MKLN1: variants seen among roughly 807,000 people sequenced by gnomAD.
The protein encoded by MKLN1 is muskelin.
In MKLN1, 18 loss-of-function variants were observed where a neutral mutation model predicts 99.0. That is an observed-to-expected ratio of 0.18 (90% CI 0.13 to 0.27). The LOEUF (loss-of-function observed/expected upper bound fraction) is 0.27, where lower values mean the gene tolerates loss of function less well. Ranked by LOEUF, MKLN1 falls within the 10% of genes least tolerant of loss-of-function variation. The probability of loss-of-function intolerance (pLI) is 1.00; values close to 1 mark genes in which losing one functional copy is unlikely to be tolerated. For missense variants in MKLN1, 621 were observed against 875.9 expected (o/e 0.71, Z 3.67); for synonymous variants, 288 against 293.2 (o/e 0.98, Z 0.18).
chr7:131,268,922 C>T (rs1200926809), intron 3 of MKLN1, among the ~76,000 whole-genome samples: 1 of 152,178 alleles, frequency 6.6e-6, no homozygotes. Context: ...AAAGTCCATC[C>T]CTCAAGCTCA....
intron 1 of MKLN1, among the ~76,000 whole-genome samples, chr7:131,138,860 A>G (rs1275275121): frequency 2.6e-5 from 4 of 152,202 alleles, no homozygotes; most frequent in Non-Finnish European, 5.9e-5. Context: ...CAGTTCAGTC[A>G]TTGTATGCGT....
chr7:131,462,387 T>C (rs1260962779), intron 12 of MKLN1, among the ~76,000 whole-genome samples: 3 of 152,226 alleles, frequency 2.0e-5, no homozygotes, highest in African/African-American at 7.2e-5. Flanking sequence ...ATATTTTAAA[T>C]GACTCTGACC....
chr7:131,402,584 C>T (rs765552583), intron 6 of MKLN1, among the ~76,000 whole-genome samples: 8 of 152,158 alleles, frequency 5.3e-5, no homozygotes, highest in Non-Finnish European at 8.8e-5. Flanking sequence ...CTGTCTGTGG[C>T]AACTATAGCC....
At chr7:131,454,545 G>A (rs1346165093) in intron 12 of MKLN1, among the ~76,000 whole-genome samples, 1 of 152,192 alleles carries the variant, frequency 6.6e-6, no homozygotes, top group Non-Finnish European at 1.5e-5. Flanking sequence ...AGACACTGTT[G>A]TTTGCTTTCC....
intron 10 of MKLN1, among the ~76,000 whole-genome samples, chr7:131,439,371 C>G (rs1403681971): frequency 2.0e-5 from 3 of 151,934 alleles, no homozygotes; most frequent in Admixed American, 2.0e-4. Context: ...TTTCTCTTGA[C>G]TTTTATAAAA....
intron 1 of MKLN1, among the ~76,000 whole-genome samples, chr7:131,330,244 A>G (rs1799031641): frequency 6.6e-6 from 1 of 152,192 alleles, no homozygotes; most frequent in African/African-American, 2.4e-5. Context: ...TGGCAGTGGA[A>G]ACCATATTAA....
intron 2 of MKLN1, among the ~76,000 whole-genome samples, chr7:131,175,110 T>A (rs1195640069): frequency 6.6e-6 from 1 of 151,238 alleles, no homozygotes; most frequent in East Asian, 1.9e-4. Context: ...GGTGGATGGA[T>A]GGATGGGTGG....
chr7:131,145,635 G>A (rs1271168329), intron 2 of MKLN1, among the ~76,000 whole-genome samples: 1 of 152,242 alleles, frequency 6.6e-6, no homozygotes, highest in Non-Finnish European at 1.5e-5. Context: ...TTATGTAGGT[G>A]TGTAAGGGGG....
At chr7:131,162,215 G>T (rs1312663414) in intron 2 of MKLN1, among the ~76,000 whole-genome samples, 2 of 151,766 alleles carry the variant, frequency 1.3e-5, no homozygotes, top group African/African-American at 4.8e-5. Context: ...ACCAAGCCCG[G>T]CTAATTTTTG....
rs1019410356 is a variant in MKLN1, at chr7:131,488,541, A to G, written c.*813A>G. The G allele has an allele frequency of 2.6e-5, 4 of 152,592 alleles. No individual in the cohort carries two copies. Among genetic ancestry groups the G allele is most frequent in the Non-Finnish European group, 5.9e-5 (4 of 68,020 alleles). The allele number at this position is 152,592 out of a possible 1,614,324, so 9.5% of individuals were successfully genotyped here. On this transcript the variant is annotated 3_prime_UTR_variant, in exon 18 of 18. Coordinates refer to ENST00000352689, the MANE Select transcript of MKLN1 (RefSeq NM_013255.5). ...TTTAAGAGCCATTCTAAAAGTGACC[A>G]GCAGGAGGGATCTAGTAGTGAATAA...
intron 3 of MKLN1, among the ~76,000 whole-genome samples, chr7:131,268,314 A>C (rs931810637): frequency 6.6e-6 from 1 of 152,154 alleles, no homozygotes; most frequent in African/African-American, 2.4e-5. Flanking sequence ...AGACTCCAGA[A>C]ATTTACTCTA....
chr7:131,185,975 G>T (rs918359809), intron 2 of MKLN1, among the ~76,000 whole-genome samples: 1 of 150,030 alleles, frequency 6.7e-6, no homozygotes, highest in Non-Finnish European at 1.5e-5. Context: ...GGCAGATCAT[G>T]AGGTCAAGAG....
rs190063504 is a variant in MKLN1, at chr7:131,163,971, C to G, written c.-297+21030C>G. On this transcript the variant is annotated intron_variant, in intron 2 of 7. Transcript: ENST00000416992. Reference sequence around the variant, plus strand: ...GGGCTATTTTTCCAAGTTGGGAAGGCAGGGGGAGGATTGGAATAATTGCAA... The same window carrying G: ...GGGCTATTTTTCCAAGTTGGGAAGGGAGGGGGAGGATTGGAATAATTGCAA... Among the ~76,000 whole-genome samples the G allele has an allele frequency of 1.4e-3, 216 of 152,208 alleles. 2 individuals carry two copies. Among genetic ancestry groups the G allele is most frequent in the African/African-American group, 4.9e-3 (202 of 41,522 alleles).
At chr7:131,369,106 G>A (rs972294702) in intron 1 of MKLN1, among the ~76,000 whole-genome samples, 7 of 151,934 alleles carry the variant, frequency 4.6e-5, no homozygotes, top group Non-Finnish European at 1.0e-4. Flanking sequence ...ATCCCTTTAA[G>A]TGTTTTATAA....
rs780391977 is a variant in MKLN1 at position 131,142,887 on chromosome 7, A to AG, written c.-351_-350insG. The AG allele has an allele frequency of 1.8e-5, 24 of 1,303,322 alleles. No homozygotes were observed. In the South Asian group the frequency reaches 3.0e-4, roughly 16 times the overall value. The allele number at this position is 1,303,322 out of a possible 1,614,324, so 80.7% of individuals were successfully genotyped here. The stretch of plus-strand genomic sequence containing the variant: ...AAACATTCCATCCTCCTGACTCCAT[A>AG]AACTATTGGATTCATAACCTGCTCC... On this transcript the variant is annotated 5_prime_UTR_variant, in exon 2 of 8. Coordinates refer to the MKLN1 transcript ENST00000416992.
intron 2 of MKLN1, among the ~76,000 whole-genome samples, chr7:131,201,341 T>C (rs1796725424): frequency 6.6e-6 from 1 of 152,162 alleles, no homozygotes; most frequent in Non-Finnish European, 1.5e-5. Context: ...TTTTAATGTT[T>C]GAAACTTCAC....
chr7:131,151,254 G>A (rs947707875), intron 2 of MKLN1, among the ~76,000 whole-genome samples: 1 of 152,108 alleles, frequency 6.6e-6, no homozygotes, highest in African/African-American at 2.4e-5. Flanking sequence ...CCAAATTACT[G>A]GGAACTAACA....
chr7:131,220,407 C>T (rs1797043372), intron 3 of MKLN1, among the ~76,000 whole-genome samples: 2 of 151,642 alleles, frequency 1.3e-5, no homozygotes, highest in African/African-American at 2.4e-5. Context: ...ATTCTGAAGG[C>T]CCTTGTATAC....
intron 2 of MKLN1, among the ~76,000 whole-genome samples, chr7:131,202,265 T>C (rs1271025154): frequency 6.8e-6 from 1 of 146,166 alleles, no homozygotes; most frequent in Non-Finnish European, 1.5e-5. Flanking sequence ...GTTCAAGCGA[T>C]TCACCATGCC....
Sources: gnomAD v4.1 joint callset for allele counts (sites outside exome capture counted in the v4.1 genomes callset) on GRCh38, gnomAD v4.1.1 for gene constraint, MANE v1.5 for transcripts, NCBI Gene and HGNC (gene_info 2026-07-23, HGNC 2026-07-21) for gene names.